Variants in ADGRL3 observed in about 807,000 individuals in gnomAD.
ADGRL3 encodes calcium-independent alpha-latrotoxin receptor 3.
A neutral mutation model predicts 153.5 loss-of-function variants in ADGRL3; 62 were observed. The observed-to-expected ratio is 0.40, with a 90% CI of 0.33 to 0.50. ADGRL3 has a LOEUF of 0.50. ADGRL3 is among the 20% of genes least tolerant of loss of function. The pLI is 0.47. For missense variants in ADGRL3, 1,641 were observed against 1,859.4 expected, an observed-to-expected ratio of 0.88 and a Z score of 2.16; for synonymous variants, 710 against 672.5, an observed-to-expected ratio of 1.06 and a Z score of -0.86.
At chr4:61,927,159 C>G (rs2098797835) in intron 13 of ADGRL3, among the ~76,000 whole-genome samples, 1 of 152,110 alleles carries the variant, frequency 6.6e-6, no homozygotes, top group Admixed American at 6.5e-5. Context: ...TTGCTGCATC[C>G]CAGTTGACTG....
rs1222981525 is a variant in ADGRL3, at chr4:61,517,443, C to A, written c.184C>A (p.Arg62Ser). ...AGCTGCAGAGCGCACCGCTGCTCAT[C>A]GTGGACAAGGGCCCCGTGGAGCTAC... ...QPAAERTAAHRGQGPRGATRG... is the reference protein window; with the variant it reads ...QPAAERTAAHSGQGPRGATRG... The change falls in exon 4 of 27, where the codon CGT (arginine) becomes AGT (serine). Residue 62 changes from arginine (R) to serine (S), a missense_variant. Arg to Ser is a moderately radical substitution (Grantham distance 110). Coordinates refer to ENST00000683033, the MANE Select transcript of ADGRL3 (RefSeq NM_001387552.1). 1.3e-6 allele frequency: 1 copy of A among 799,730 alleles called. No homozygotes were observed. Among genetic ancestry groups the A allele is most frequent in the South Asian group, 1.4e-5 (1 of 69,372 alleles). 49.5% of individuals were successfully genotyped at this position (799,730 alleles called of 1,614,324 possible). A position where few individuals can be genotyped will look rare whatever the true frequency, so the allele number is the denominator to read the frequency against.
chr4:61,362,390 G>A (rs1410071690), intron 1 of ADGRL3, among the ~76,000 whole-genome samples: 1 of 151,352 alleles, frequency 6.6e-6, no homozygotes, highest in Non-Finnish European at 1.5e-5. Context: ...TGACTCAGAT[G>A]TTAGGAGCAC....
rs180872116 is a variant in ADGRL3, at chr4:61,416,261, C to A, written c.-174+33072C>A. ...TTTTGGGGAAAAAAATGATGGAAAT[C>A]AAAGAAACTAGTAATTTTTCAGGAA... On this transcript the variant is annotated intron_variant, in intron 2 of 26. Coordinates refer to ENST00000683033, the MANE Select transcript of ADGRL3 (RefSeq NM_001387552.1). 1.6e-4 allele frequency among the ~76,000 whole-genome samples: 24 copies of A among 151,582 alleles called. No individual in the cohort carries two copies. In the Middle Eastern group the frequency reaches 0.017, roughly 108 times the overall value.
intron 9 of ADGRL3, among the ~76,000 whole-genome samples, chr4:61,870,707 A>T (rs1342686424): frequency 6.6e-6 from 1 of 152,242 alleles, no homozygotes; most frequent in East Asian, 1.9e-4. Flanking sequence ...CAACATTATT[A>T]GCCATCAGGA....
intron 1 of ADGRL3, among the ~76,000 whole-genome samples, chr4:61,347,811 T>C (rs1170650429): frequency 1.3e-5 from 2 of 152,142 alleles, no homozygotes; most frequent in Non-Finnish European, 2.9e-5. Flanking sequence ...TGCATTTACC[T>C]TACCACAATA....
At chr4:61,269,558 A>G (rs1180204348) in intron 1 of ADGRL3, among the ~76,000 whole-genome samples, 1 of 151,632 alleles carries the variant, frequency 6.6e-6, no homozygotes, top group African/African-American at 2.4e-5. Flanking sequence ...ATTTTTTTGG[A>G]AACATGACAT....
chr4:61,996,448 A>T (rs928426938), intron 20 of ADGRL3, 91 bp downstream of exon 20: 6 of 870,672 alleles, frequency 6.9e-6, no homozygotes, highest in Non-Finnish European at 9.4e-6. Context: ...TACAGAGGTT[A>T]ATTTGGGGAA....
chr4:61,769,493 G>A, intron 8 of ADGRL3, among the ~76,000 whole-genome samples: 1 of 150,136 alleles, frequency 6.7e-6, no homozygotes, highest in Non-Finnish European at 1.5e-5. Context: ...GGAGGACAGG[G>A]GATTGATCTC....
At chr4:61,914,952 G>T (rs2098738395) in intron 13 of ADGRL3, among the ~76,000 whole-genome samples, 1 of 151,936 alleles carries the variant, frequency 6.6e-6, no homozygotes, top group South Asian at 2.1e-4. Flanking sequence ...TTGTTTTGCA[G>T]AATGAGCAAT....
At chr4:61,939,249 A>T (rs2098859790) in intron 15 of ADGRL3, among the ~76,000 whole-genome samples, 1 of 152,180 alleles carries the variant, frequency 6.6e-6, no homozygotes, top group African/African-American at 2.4e-5. Context: ...ATTGAGAAAT[A>T]ATTTACATAC....
At chr4:61,365,343 T>C (rs2096376046) in intron 1 of ADGRL3, among the ~76,000 whole-genome samples, 1 of 152,250 alleles carries the variant, frequency 6.6e-6, no homozygotes, top group African/African-American at 2.4e-5. Flanking sequence ...CTACTGAGAC[T>C]GCTAAGGGGA....
chr4:61,757,744 T>A (rs1325742182), intron 8 of ADGRL3, among the ~76,000 whole-genome samples: 42 of 152,248 alleles, frequency 2.8e-4, no homozygotes, highest in Non-Finnish European at 1.3e-4. Flanking sequence ...TCCTGCTTTC[T>A]CTTGTGGGCA....
intron 17 of ADGRL3, among the ~76,000 whole-genome samples, chr4:61,973,993 G>T (rs528730091): frequency 6.6e-6 from 1 of 152,032 alleles, no homozygotes; most frequent in African/African-American, 2.4e-5. Flanking sequence ...TCCCAGACAA[G>T]GTCTGGGTCT....
chr4:62,020,906 AT>A (rs899916906), intron 21 of ADGRL3, among the ~76,000 whole-genome samples: 1 of 152,100 alleles, frequency 6.6e-6, no homozygotes, highest in Non-Finnish European at 1.5e-5. Flanking sequence ...AAATACTTCC[AT>A]TTCAATTCAG....
intron 21 of ADGRL3, among the ~76,000 whole-genome samples, chr4:62,015,745 T>C (rs1005978926): frequency 1.4e-4 from 22 of 152,148 alleles, no homozygotes; most frequent in Middle Eastern, 3.2e-3. Context: ...CTCTCTTCTT[T>C]AATGGTTTTC....
At chr4:61,706,189 A>G (rs574578351) in intron 6 of ADGRL3, among the ~76,000 whole-genome samples, 1 of 152,154 alleles carries the variant, frequency 6.6e-6, no homozygotes, top group South Asian at 2.1e-4. Context: ...TGGGAGGTCA[A>G]GGTGGGTGGA....
intron 1 of ADGRL3, among the ~76,000 whole-genome samples, chr4:61,365,037 A>G (rs987110780): frequency 6.6e-6 from 1 of 152,194 alleles, no homozygotes; most frequent in Non-Finnish European, 1.5e-5. Context: ...ACAGAAAAAA[A>G]TGCTTATCTG....
chr4:61,811,531 G>A (rs2148589785), intron 8 of ADGRL3, among the ~76,000 whole-genome samples: 1 of 152,052 alleles, frequency 6.6e-6, no homozygotes, highest in African/African-American at 2.4e-5. Context: ...GATTTCTTTT[G>A]GTTTTGATGA....
chr4:61,635,108 G>A lies in ADGRL3; in HGVS notation c.474-41718G>A, dbSNP rs563958340. Among the ~76,000 whole-genome samples the A allele has an allele frequency of 3.9e-5, 6 of 152,230 alleles. No individual in the cohort carries two copies. The South Asian group carries it at 1.2e-3, about 32-fold the overall frequency. ...GCCTTTGCATTCTGGGCCTTACACTGAGCAAGTGGCAGAGACAGTTTACCT... is the reference window on the plus strand; with the variant it reads ...GCCTTTGCATTCTGGGCCTTACACTAAGCAAGTGGCAGAGACAGTTTACCT... On this transcript the variant is annotated intron_variant, in intron 5 of 26. Transcript: ENST00000683033.
Sources: gnomAD v4.1 joint callset for allele counts (sites outside exome capture counted in the v4.1 genomes callset) on GRCh38, gnomAD v4.1.1 for gene constraint, MANE v1.5 for transcripts, NCBI Gene and HGNC (gene_info 2026-07-23, HGNC 2026-07-21) for gene names.